RAB3GAP2: variants seen among roughly 807,000 people sequenced by gnomAD.
RAB3GAP2 encodes the protein RAB3 GTPase activating non-catalytic protein subunit 2.
A neutral mutation model predicts 185.3 loss-of-function variants in RAB3GAP2; 87 were observed. The observed-to-expected ratio is 0.47, with a 90% CI of 0.39 to 0.56. The LOEUF is 0.56. Among genes scored for constraint, RAB3GAP2 ranks in the 20% least tolerant of loss-of-function variants. The probability of loss-of-function intolerance (pLI) is 0.00; values close to 1 mark genes in which losing one functional copy is unlikely to be tolerated. For synonymous variants in RAB3GAP2, 554 were observed against 576.1 expected (o/e 0.96, Z 0.55); for missense variants, 1,492 against 1,638.2 (o/e 0.91, Z 1.54).
intron 2 of RAB3GAP2, among the ~76,000 whole-genome samples, chr1:220,223,599 C>G (rs112061271): frequency 0.01 from 1,580 of 151,900 alleles, 25 homozygotes; most frequent in African/African-American, 0.036. Flanking sequence ...TTTCAAATAC[C>G]TGAGAACAGC....
chr1:220,157,277 TC>T lies in RAB3GAP2; in HGVS notation c.3547del (p.Asp1183ThrfsTer12). The T allele has an allele frequency of 1.2e-6, 2 of 1,613,396 alleles. No individual in the cohort carries two copies. Among genetic ancestry groups the T allele is most frequent in the Non-Finnish European group, 1.7e-6 (2 of 1,179,478 alleles). ...LKTVKPLSLF[D>X]SKGKNAFFKD... ...ATCCTGTGAGGTACTTACCTTACTG[TC>T]AAAAAGTGAAAGTGGCTTCACGGTC... On this transcript the variant is annotated frameshift_variant, in exon 31 of 35. Transcript: ENST00000358951. LOFTEE classifies it high-confidence loss of function.
At chr1:220,166,149 G>C (rs1644162549) in intron 26 of RAB3GAP2, among the ~76,000 whole-genome samples, 1 of 152,196 alleles carries the variant, frequency 6.6e-6, no homozygotes. Context: ...GGATTCCTCT[G>C]TCCTAAAATC....
At chr1:220,224,005 CAAAAAAAAAAAAAA>C (rs1170784100) in intron 2 of RAB3GAP2, among the ~76,000 whole-genome samples, 1 of 90,184 alleles carries the variant, frequency 1.1e-5, no homozygotes, top group African/African-American at 4.1e-5. Context: ...GACCCTATCT[CAAAAAAAAAAAAAA>C]AAAAAAAAGA....
chr1:220,213,439 A>C (rs1329310319), intron 3 of RAB3GAP2, among the ~76,000 whole-genome samples: 1 of 152,038 alleles, frequency 6.6e-6, no homozygotes, highest in Admixed American at 6.6e-5. Flanking sequence ...CTTCAACAAA[A>C]AATTATGAGT....
chr1:220,171,059 G>A lies in RAB3GAP2; in HGVS notation c.2639C>T (p.Ser880Phe). The stretch of plus-strand genomic sequence containing the variant: ...GAGTTTCCAGTACTCAGTGTCAAGA[G>A]AAAGTGCCTCCCAGGAATCAGTGAG... ...EALTDSWEAL[S>F]LDTEYWKLLL... Residue 880 changes from serine to phenylalanine, a missense_variant, in exon 24 of 35, where the codon TCT becomes TTT. By Grantham distance (155) the Ser-to-Phe change is radical. This residue lies in a region of RAB3GAP2 where 681 missense variants were observed against 689.1 expected (regional missense o/e 0.99). Coordinates refer to ENST00000358951, the MANE Select transcript of RAB3GAP2 (RefSeq NM_012414.4). 1 of 1,614,146 alleles carries A rather than the reference G, an allele frequency of 6.2e-7. No homozygotes were observed. Among genetic ancestry groups the A allele is most frequent in the Non-Finnish European group, 8.5e-7 (1 of 1,179,996 alleles).
At chr1:220,270,808 T>C (rs1660319920) in intron 1 of RAB3GAP2, among the ~76,000 whole-genome samples, 1 of 152,240 alleles carries the variant, frequency 6.6e-6, no homozygotes, top group African/African-American at 2.4e-5. Flanking sequence ...AGTACAAATC[T>C]GACAATGTCA....
At position 220,261,080 on chromosome 1, in the gene RAB3GAP2, G is replaced by C. The variant is rs115731314; in HGVS notation, c.115+11143C>G. Among the ~76,000 whole-genome samples the C allele has an allele frequency of 3.4e-3, 522 of 152,162 alleles. 1 individual carries two copies. Among genetic ancestry groups the C allele is most frequent in the Admixed American group, 5.8e-3 (89 of 15,284 alleles). ...TGATTTTACATACTTTAAAAAAAAG[G>C]GGGGGCAATGTGGTAAGTAATGTCT... On this transcript the variant is annotated intron_variant, in intron 1 of 34. Coordinates refer to ENST00000358951, the MANE Select transcript of RAB3GAP2 (RefSeq NM_012414.4).
intron 1 of RAB3GAP2, chr1:220,268,045 G>A (rs1275862289): frequency 1.1e-5 from 5 of 446,622 alleles, no homozygotes; most frequent in East Asian, 3.3e-5. Flanking sequence ...ATCCTCTAGA[G>A]ATGAGCTAGG....
At chr1:220,153,068 C>G (rs1024768667) in intron 33 of RAB3GAP2, 117 bp downstream of exon 33, 1 of 787,980 alleles carries the variant, frequency 1.3e-6, no homozygotes. Context: ...ATTTTTATAC[C>G]TAGATGTTCT....
chr1:220,270,358 C>T (rs1219543632), intron 1 of RAB3GAP2, among the ~76,000 whole-genome samples: 2 of 152,208 alleles, frequency 1.3e-5, no homozygotes, highest in Non-Finnish European at 2.9e-5. Context: ...ACACTTTTTG[C>T]TGTTAGCTCC....
At chr1:220,164,285 T>C (rs1658021427) in intron 27 of RAB3GAP2, among the ~76,000 whole-genome samples, 4 of 152,024 alleles carry the variant, frequency 2.6e-5, no homozygotes, top group South Asian at 2.1e-4. Flanking sequence ...GCATCTATCA[T>C]TGATTCCCTC....
intron 9 of RAB3GAP2, among the ~76,000 whole-genome samples, chr1:220,199,116 T>C (rs1558152542): frequency 6.6e-6 from 1 of 151,976 alleles, no homozygotes; most frequent in Non-Finnish European, 1.5e-5. Context: ...CCAGATAAAG[T>C]TGGGCCTTGT....
At chr1:220,162,737 C>A (rs1409936539) in intron 27 of RAB3GAP2, among the ~76,000 whole-genome samples, 5 of 152,100 alleles carry the variant, frequency 3.3e-5, no homozygotes, top group Non-Finnish European at 7.4e-5. Flanking sequence ...TATCACCCGA[C>A]AATTCTGCTG....
chr1:220,178,541 G>T (rs544334201), intron 21 of RAB3GAP2, among the ~76,000 whole-genome samples: 2 of 152,220 alleles, frequency 1.3e-5, no homozygotes, highest in South Asian at 4.1e-4. Flanking sequence ...TGGTTTGTTG[G>T]TTTTGCTGTT....
intron 2 of RAB3GAP2, among the ~76,000 whole-genome samples, chr1:220,228,079 G>A (rs986981269): frequency 6.6e-6 from 1 of 152,174 alleles, no homozygotes; most frequent in Admixed American, 6.5e-5. Flanking sequence ...TAATTATAAC[G>A]CCTTGACACA....
At chr1:220,206,109 C>T in intron 7 of RAB3GAP2, 103 bp from the exon 8 acceptor site, 1 of 742,938 alleles carries the variant, frequency 1.3e-6, no homozygotes, top group South Asian at 1.8e-5. Context: ...CCACCCAACA[C>T]CCAAAGCAAT....
At chr1:220,196,152 C>T (rs765500478) in intron 10 of RAB3GAP2, 98 bp downstream of exon 10, 14 of 1,345,092 alleles carry the variant, frequency 1.0e-5, no homozygotes, top group Non-Finnish European at 1.5e-5. Flanking sequence ...ATGTAAACTG[C>T]TTAATCTTCT....
Position 220,157,477 on chromosome 1 carries a change from G to A in RAB3GAP2, c.3348C>T (p.Ser1116=), listed in dbSNP as rs896472879. 2 of 1,613,066 alleles carry A rather than the reference G, an allele frequency of 1.2e-6. No individual in the cohort carries two copies. The highest frequency in any genetic ancestry group is 2.7e-5 in the African/African-American group (2 of 74,854). The change falls in exon 31 of 35, where the codon AGC becomes AGT. Residue 1116 remains serine (S), a synonymous_variant. Coordinates refer to ENST00000358951, the MANE Select transcript of RAB3GAP2 (RefSeq NM_012414.4). ...GCACAGGCACCTGTATTTCATCCCT[G>A]CTAACATCTGCCTAAGGGTTTTGAG... ...LLQILMEADV[S]RDEIQVPVLD...
chr1:220,193,191 T>C (rs763297997), intron 13 of RAB3GAP2, 49 bp downstream of exon 13: 1 of 1,600,914 alleles, frequency 6.2e-7, no homozygotes, highest in Non-Finnish European at 8.6e-7. Context: ...GCTCAACTAT[T>C]GGGGTAAAAA....
Sources: gnomAD v4.1 joint callset for allele counts (sites outside exome capture counted in the v4.1 genomes callset) on GRCh38, gnomAD v4.1.1 for gene constraint, gnomAD v4.1.1 regional missense constraint, MANE v1.5 for transcripts, NCBI Gene and HGNC (gene_info 2026-07-23, HGNC 2026-07-21) for gene names.